Variants in EAPP observed in about 807,000 individuals in gnomAD.
EAPP encodes the protein E2F associated phosphoprotein.
Under a neutral mutation model 34.3 loss-of-function variants are expected in EAPP, and 38 were observed. That is an observed-to-expected ratio of 1.11 (90% CI 0.85 to 1.45). The LOEUF is 1.45. Among genes scored for constraint, EAPP ranks in the 40% most tolerant of loss-of-function variants. The pLI, the probability that EAPP is intolerant of heterozygous loss-of-function variation, is 0.00. For synonymous variants in EAPP, 113 were observed against 117.6 expected (o/e 0.96, Z 0.25); for missense variants, 338 against 343.7 (o/e 0.98, Z 0.13).
At position 34,524,332 on chromosome 14, in the gene EAPP, C is replaced by T. The variant is rs567109247; in HGVS notation, c.581+365G>A. On this transcript the variant is annotated intron_variant, in intron 5 of 5. Coordinates refer to ENST00000250454, the MANE Select transcript of EAPP (RefSeq NM_018453.4). ...TGAACCTGGGCAGCAGAGGTTGCAG[C>T]GAGCCAAGATTGCACCACTATACTC... 7.1e-4 allele frequency among the ~76,000 whole-genome samples: 108 copies of T among 152,074 alleles called. 2 individuals carry two copies. The highest frequency in any genetic ancestry group is 2.3e-3 in the African/African-American group (97 of 41,482).
intron 4 of EAPP, among the ~76,000 whole-genome samples, chr14:34,526,330 G>A (rs1303305176): frequency 6.6e-6 from 1 of 151,706 alleles, no homozygotes; most frequent in African/African-American, 2.4e-5. Context: ...TTGGGAGGCT[G>A]AGGCAGAGAA....
chr14:34,516,145 GGGTGAGAGATGTAAGAGATGAATGAA>G lies in EAPP; in HGVS notation c.*139_*164del. 1.7e-6 allele frequency: 1 copy of G among 584,954 alleles called. No individual in the cohort carries two copies. The highest frequency in any genetic ancestry group is 2.8e-6 in the Non-Finnish European group (1 of 359,326). 36.2% of individuals were successfully genotyped at this position (584,954 alleles called of 1,614,324 possible). A position where few individuals can be genotyped will look rare whatever the true frequency, so the allele number is the denominator to read the frequency against. Reference sequence around the variant, plus strand: ...AAAATCAAAGAAAAAAAAAAGGAGAGGGTGAGAGATGTAAGAGATGAATGAAGGTTGACAACTATTCTCCTTTAAAA... The same window carrying G: ...AAAATCAAAGAAAAAAAAAAGGAGAGGGTTGACAACTATTCTCCTTTAAAA... On this transcript the variant is annotated 3_prime_UTR_variant, in exon 6 of 6. Transcript: ENST00000250454.
chr14:34,527,643 T>C (rs1880139173), intron 4 of EAPP, among the ~76,000 whole-genome samples: 1 of 152,164 alleles, frequency 6.6e-6, no homozygotes, highest in Non-Finnish European at 1.5e-5. Flanking sequence ...AGAGAAGTAC[T>C]GACATGTGCT....
Position 34,526,212 on chromosome 14 carries a change from C to T in EAPP, c.471-1405G>A, listed in dbSNP as rs1289310109. Among the ~76,000 whole-genome samples, 3 of 150,796 alleles carry T rather than the reference C, an allele frequency of 2.0e-5. No individual in the cohort carries two copies. In the East Asian group the frequency reaches 6.0e-4, roughly 30 times the overall value. On this transcript the variant is annotated intron_variant, in intron 4 of 5. Transcript: ENST00000250454. ...TTGGGAGGCTGAGGTGGGTGGATCA[C>T]AAGGTCAGGAGTTCAAGACCAGCCT... is the stretch of plus-strand genomic sequence containing the variant.
At chr14:34,537,898 G>C (rs1045223699) in intron 1 of EAPP, among the ~76,000 whole-genome samples, 5 of 152,194 alleles carry the variant, frequency 3.3e-5, no homozygotes, top group Non-Finnish European at 5.9e-5. Flanking sequence ...TTTATAAACA[G>C]TGTAAAATTA....
chr14:34,539,113 T>C (rs550127212), intron 1 of EAPP: 2 of 270,292 alleles, frequency 7.4e-6, no homozygotes, highest in East Asian at 1.7e-4. Flanking sequence ...TTTATGGCAG[T>C]TTAGTCTTCA....
intron 1 of EAPP, among the ~76,000 whole-genome samples, chr14:34,537,566 TTG>T (rs1191611292): frequency 1.1e-4 from 17 of 152,332 alleles, no homozygotes; most frequent in East Asian, 7.7e-4. Flanking sequence ...TTTCTCAGGA[TTG>T]TGTTTGCAGC....
chr14:34,526,656 T>C (rs1880105864), intron 4 of EAPP, among the ~76,000 whole-genome samples: 1 of 149,826 alleles, frequency 6.7e-6, no homozygotes, highest in Non-Finnish European at 1.5e-5. Flanking sequence ...GAGGCCAAGG[T>C]AGGAGGGGAT....
intron 5 of EAPP, 105 bp from the exon 6 acceptor site, chr14:34,516,691 AAAGAC>A: frequency 8.7e-7 from 1 of 1,154,742 alleles, no homozygotes; most frequent in South Asian, 1.6e-5. Flanking sequence ...AATACCAACC[AAAGAC>A]AAGACACAGG....
intron 1 of EAPP, chr14:34,539,261 G>A: frequency 3.4e-6 from 2 of 591,830 alleles, no homozygotes; most frequent in South Asian, 1.6e-5. Context: ...CTTGCCTTCC[G>A]TCACTCTGCT....
intron 5 of EAPP, among the ~76,000 whole-genome samples, chr14:34,520,011 A>C (rs1023981170): frequency 1.3e-5 from 2 of 150,806 alleles, no homozygotes; most frequent in South Asian, 4.2e-4. Flanking sequence ...CAGGCTGCTG[A>C]GTAAGCTTGG....
At chr14:34,526,541 T>A (rs1372162785) in intron 4 of EAPP, among the ~76,000 whole-genome samples, 1 of 150,658 alleles carries the variant, frequency 6.6e-6, no homozygotes, top group African/African-American at 2.4e-5. Flanking sequence ...CTGGGCAACA[T>A]GGTGAAACCC....
chr14:34,537,781 T>C (rs1195736904), intron 1 of EAPP, among the ~76,000 whole-genome samples: 2 of 152,198 alleles, frequency 1.3e-5, no homozygotes, highest in Non-Finnish European at 2.9e-5. Context: ...CACACAAACA[T>C]GATGCTCATG....
intron 3 of EAPP, among the ~76,000 whole-genome samples, chr14:34,532,260 C>A (rs1318208028): frequency 6.6e-6 from 1 of 151,702 alleles, no homozygotes; most frequent in Non-Finnish European, 1.5e-5. Context: ...GAGTTCAAGA[C>A]CAGCCTGGCT....
rs1201462803 is a variant in EAPP, at chr14:34,539,643, G to GC, written c.-16dup. 1 of 1,537,654 alleles carries GC rather than the reference G, an allele frequency of 6.5e-7. No homozygotes were observed. Among genetic ancestry groups the GC allele is most frequent in the Non-Finnish European group, 8.7e-7 (1 of 1,143,392 alleles). ...AGCCGGTTCATGGTGGCCTGCAGCG[G>GC]CCTACACCGTCCACAAGCAATTTGC... On this transcript the variant is annotated 5_prime_UTR_variant, in exon 1 of 6. Transcript: ENST00000250454.
At chr14:34,537,435 A>C (rs1044007379) in intron 1 of EAPP, among the ~76,000 whole-genome samples, 1 of 152,226 alleles carries the variant, frequency 6.6e-6, no homozygotes, top group Non-Finnish European at 1.5e-5. Context: ...CCTTGTCATT[A>C]TCTCAACCAA....
chr14:34,539,389 C>T, intron 1 of EAPP, 166 bp downstream of exon 1: 1 of 754,924 alleles, frequency 1.3e-6, no homozygotes, highest in Non-Finnish European at 2.3e-6. Context: ...CCCCCCGGGA[C>T]TGCGCGACCC....
intron 5 of EAPP, among the ~76,000 whole-genome samples, chr14:34,523,934 C>A (rs1256862214): frequency 6.6e-6 from 1 of 152,040 alleles, no homozygotes; most frequent in African/African-American, 2.4e-5. Context: ...AAGTACAGAA[C>A]TTTATCAGAA....
In EAPP at chr14:34,533,181, T is replaced by C. The variant is rs540603461; in HGVS notation, c.352+263A>G. 2.6e-5 allele frequency among the ~76,000 whole-genome samples: 4 copies of C among 152,226 alleles called. No homozygotes were observed. In the East Asian group the frequency reaches 5.8e-4, roughly 22 times the overall value. On this transcript the variant is annotated intron_variant, in intron 3 of 5. Transcript: ENST00000250454. ...TCCCAAGTAGCTGGGACTACAGGCG[T>C]GCACCACCATGCCCGGCTTATTTTT... is the stretch of plus-strand genomic sequence containing the variant.
Sources: gnomAD v4.1 joint callset for allele counts (sites outside exome capture counted in the v4.1 genomes callset) on GRCh38, gnomAD v4.1.1 for gene constraint, MANE v1.5 for transcripts, NCBI Gene and HGNC (gene_info 2026-07-23, HGNC 2026-07-21) for gene names.